Variants in AKT3 observed in about 807,000 individuals in gnomAD.
AKT3 encodes the protein AKT serine/threonine kinase 3.
A neutral mutation model predicts 65.3 loss-of-function variants in AKT3; 15 were observed. The ratio of observed to expected loss-of-function variants is 0.23; its 90% confidence interval spans 0.15 to 0.35. The LOEUF (loss-of-function observed/expected upper bound fraction) is 0.35, where lower values mean the gene tolerates loss of function less well. Among genes scored for constraint, AKT3 ranks in the 10% least tolerant of loss-of-function variants. AKT3 has a pLI of 1.00. For synonymous variants in AKT3, 206 were observed against 183.8 expected (o/e 1.12, Z -0.98); for missense variants, 243 against 576.5 (o/e 0.42, Z 5.92).
At chr1:243,642,801 A>C (rs1680537080) in intron 5 of AKT3, among the ~76,000 whole-genome samples, 1 of 152,220 alleles carries the variant, frequency 6.6e-6, no homozygotes, top group African/African-American at 2.4e-5. Context: ...ATGTGTTCAA[A>C]TCAGGCACAC....
intron 3 of AKT3, among the ~76,000 whole-genome samples, chr1:243,693,248 A>ATATATATATG: frequency 9.5e-5 from 3 of 31,442 alleles, no homozygotes; most frequent in African/African-American, 4.7e-4. Context: ...AATTTGATAT[A>ATATATATATG]TATATATATA....
intron 8 of AKT3, among the ~76,000 whole-genome samples, chr1:243,588,789 G>A (rs1486283212): frequency 1.3e-5 from 2 of 152,060 alleles, no homozygotes; most frequent in Non-Finnish European, 2.9e-5. Context: ...AAAACTCCTA[G>A]AAGAAAACAT....
At chr1:243,536,177 C>G (rs1215557214) in intron 12 of AKT3, among the ~76,000 whole-genome samples, 2 of 152,080 alleles carry the variant, frequency 1.3e-5, no homozygotes, top group African/African-American at 4.8e-5. Flanking sequence ...TGTAAGTTGT[C>G]TATTTACTTT....
intron 3 of AKT3, among the ~76,000 whole-genome samples, chr1:243,694,994 A>G (rs1478715344): frequency 1.3e-5 from 2 of 152,062 alleles, no homozygotes; most frequent in Non-Finnish European, 2.9e-5. Context: ...GAGTTGGAAG[A>G]GCCTGGTAAT....
rs572774787 is a variant in AKT3 at position 243,656,742 on chromosome 1, C to T, written c.284+8030G>A. ...TGGAACATGTTGGGGGCGAGGCATACGTGTGCGCATGCACATGTGTCTCTG... is the reference window on the plus strand; with the variant it reads ...TGGAACATGTTGGGGGCGAGGCATATGTGTGCGCATGCACATGTGTCTCTG... On this transcript the variant is annotated intron_variant, in intron 4 of 13. Transcript: ENST00000673466. 7.2e-5 allele frequency among the ~76,000 whole-genome samples: 11 copies of T among 152,278 alleles called. No homozygotes were observed. In the East Asian group the frequency reaches 7.7e-4, roughly 11 times the overall value.
chr1:243,590,747 A>T (rs1361334766), intron 8 of AKT3, among the ~76,000 whole-genome samples: 1 of 152,218 alleles, frequency 6.6e-6, no homozygotes, highest in East Asian at 1.9e-4. Context: ...TATAAATTAC[A>T]ACTGGGAAAA....
chr1:243,563,984 CTTACAAACT>C, intron 9 of AKT3, 136 bp from the exon 10 acceptor site: 1 of 651,702 alleles, frequency 1.5e-6, no homozygotes, highest in Non-Finnish European at 2.4e-6. Context: ...ACGCTCAGTA[CTTACAAACT>C]CTGTTGCTTC....
chr1:243,545,809 G>T (rs1332147554), intron 11 of AKT3, among the ~76,000 whole-genome samples: 1 of 152,214 alleles, frequency 6.6e-6, no homozygotes, highest in Non-Finnish European at 1.5e-5. Flanking sequence ...TTGGAAAAGA[G>T]CAGAGGCTTT....
At chr1:243,688,460 C>T (rs1157797749) in intron 3 of AKT3, among the ~76,000 whole-genome samples, 1 of 152,046 alleles carries the variant, frequency 6.6e-6, no homozygotes, top group Non-Finnish European at 1.5e-5. Context: ...GCAAGGAGAA[C>T]GGTATTTGCA....
chr1:243,551,604 C>T (rs530232952), intron 11 of AKT3, among the ~76,000 whole-genome samples: 8 of 151,390 alleles, frequency 5.3e-5, no homozygotes, highest in South Asian at 2.1e-4. Context: ...ATCAACCATA[C>T]GTAAAACATT....
intron 2 of AKT3, among the ~76,000 whole-genome samples, chr1:243,835,832 A>C (rs1170304107): frequency 2.0e-5 from 3 of 151,928 alleles, no homozygotes; most frequent in Non-Finnish European, 2.9e-5. Flanking sequence ...TATTTTTTTA[A>C]AAAAATAACA....
chr1:243,712,673 A>T (rs919312659), intron 2 of AKT3, among the ~76,000 whole-genome samples: 1 of 152,160 alleles, frequency 6.6e-6, no homozygotes, highest in Non-Finnish European at 1.5e-5. Context: ...TGTTACAAAA[A>T]TTTTTGGTGT....
At chr1:243,693,185 A>G (rs1484214194) in intron 3 of AKT3, among the ~76,000 whole-genome samples, 3 of 141,490 alleles carry the variant, frequency 2.1e-5, no homozygotes, top group Non-Finnish European at 4.6e-5. Context: ...ATATGAAGTA[A>G]TATCTTTAAT....
intron 2 of AKT3, among the ~76,000 whole-genome samples, chr1:243,822,902 A>G (rs1234408430): frequency 6.6e-6 from 1 of 152,204 alleles, no homozygotes; most frequent in Non-Finnish European, 1.5e-5. Context: ...ACAATTGAAA[A>G]GGAGGGACTT....
intron 2 of AKT3, among the ~76,000 whole-genome samples, chr1:243,829,192 A>G (rs1311573641): frequency 1.3e-5 from 2 of 152,218 alleles, no homozygotes; most frequent in Admixed American, 1.3e-4. Flanking sequence ...TTGGCATGAC[A>G]TACTTGGCAG....
At chr1:243,590,251 CACAG>C (rs1676130294) in intron 8 of AKT3, among the ~76,000 whole-genome samples, 1 of 152,102 alleles carries the variant, frequency 6.6e-6, no homozygotes, top group African/African-American at 2.4e-5. Flanking sequence ...TCTCATCACA[CACAG>C]ACAAAGGTAA....
chr1:243,695,796 A>G (rs1385104741), intron 2 of AKT3, 80 bp from the exon 3 acceptor site: 5 of 1,341,104 alleles, frequency 3.7e-6, no homozygotes, highest in Non-Finnish European at 3.9e-6. Context: ...ATGGTACAAT[A>G]TATGTCCTAC....
At chr1:243,723,231 CAACT>C (rs1199124717) in intron 2 of AKT3, among the ~76,000 whole-genome samples, 1 of 152,138 alleles carries the variant, frequency 6.6e-6, no homozygotes, top group Non-Finnish European at 1.5e-5. Context: ...ATCTGTCCAC[CAACT>C]GTCAAGATAA....
intron 3 of AKT3, among the ~76,000 whole-genome samples, chr1:243,666,533 G>GT (rs1239998831): frequency 6.6e-6 from 1 of 152,002 alleles, no homozygotes; most frequent in Non-Finnish European, 1.5e-5. Flanking sequence ...ACCAAACTCA[G>GT]TATTTTCCCC....
Sources: allele counts gnomAD v4.1 joint callset (sites outside exome capture counted in the v4.1 genomes callset), GRCh38; gene constraint gnomAD v4.1.1; transcripts MANE v1.5; gene names NCBI Gene and HGNC (gene_info 2026-07-23, HGNC 2026-07-21).